The following SYNE1 variants were observed in gnomAD, a reference collection of about 807,000 sequenced individuals.
SYNE1 encodes spectrin repeat containing nuclear envelope protein 1.
A neutral mutation model predicts 1,111.0 loss-of-function variants in SYNE1; 616 were observed. That is an observed-to-expected ratio of 0.55 (90% CI 0.52 to 0.59). SYNE1 has a LOEUF of 0.59. SYNE1 is among the 20% of genes least tolerant of loss of function. The pLI is 0.00. For missense variants in SYNE1, 10,006 were observed against 10,417.0 expected, an observed-to-expected ratio of 0.96 and a Z score of 1.72; for synonymous variants, 3,855 against 3,825.8, an observed-to-expected ratio of 1.01 and a Z score of -0.28.
Position 152,462,411 on chromosome 6 carries a change from A to G in SYNE1, c.2250+327T>C, listed in dbSNP as rs553934908. On this transcript the variant is annotated intron_variant, in intron 20 of 145. Coordinates refer to ENST00000367255, the MANE Select transcript of SYNE1 (RefSeq NM_182961.4). Reference sequence around the variant, plus strand: ...TCAAAATATGCAAATACCACAGTTCATGCAATAAATCCTTTATTATTGAAA... The same window carrying G: ...TCAAAATATGCAAATACCACAGTTCGTGCAATAAATCCTTTATTATTGAAA... 42 of 433,364 alleles carry G rather than the reference A, an allele frequency of 9.7e-5. 1 individual carries two copies. The South Asian group carries it at 1.8e-3, about 19-fold the overall frequency. 26.8% of individuals were successfully genotyped at this position (433,364 alleles called of 1,614,324 possible). A position where few individuals can be genotyped will look rare whatever the true frequency, so the allele number is the denominator to read the frequency against.
rs1356061112 is a variant in SYNE1 at position 152,219,172 on chromosome 6, C to A, written c.21875G>T (p.Gly7292Val). 1.9e-6 allele frequency: 3 copies of A among 1,613,898 alleles called. No homozygotes were observed. Among genetic ancestry groups the A allele is most frequent in the African/African-American group, 1.3e-5 (1 of 75,010 alleles). The change falls in exon 120 of 146, where the codon GGA becomes GTA. Residue 7292 changes from glycine (G) to valine (V), a missense_variant. Gly to Val is a moderately radical substitution (Grantham distance 109). Coordinates refer to ENST00000367255, the MANE Select transcript of SYNE1 (RefSeq NM_182961.4). ...WIQDCNDLLK[G>V]LGTVKDSLFF... ...GAGGGAATCTTTAACTGTGCCCAGT[C>A]CTTTGAGGAGGTCCTAGAAGAGGTG... is the stretch of plus-strand genomic sequence containing the variant.
At position 152,488,508 on chromosome 6, in the gene SYNE1, AAAT is replaced by A; in HGVS notation, c.940-8_940-6del. 1 of 1,438,440 alleles carries A rather than the reference AAAT, an allele frequency of 7.0e-7. No individual in the cohort carries two copies. The allele number at this position is 1,438,440 out of a possible 1,614,324, so 89.1% of individuals were successfully genotyped here. On this transcript the variant is annotated splice_polypyrimidine_tract_variant and splice_region_variant and intron_variant, in intron 11 of 145. Transcript: ENST00000367255. ...AAAAATTACTCTGTCTTCTCTCTGGAAATGAGGAGACATTACAATTTTATTAGT... is the reference window on the plus strand; with the variant it reads ...AAAAATTACTCTGTCTTCTCTCTGGAGAGGAGACATTACAATTTTATTAGT...
intron 104 of SYNE1, among the ~76,000 whole-genome samples, chr6:152,251,547 A>G (rs1487843738): frequency 6.6e-6 from 1 of 151,634 alleles, no homozygotes; most frequent in Admixed American, 6.6e-5. Context: ...TCACGAGGTC[A>G]GGAGATCGAG....
chr6:152,471,867 A>G, intron 15 of SYNE1, 102 bp from the exon 16 acceptor site: 1 of 1,173,980 alleles, frequency 8.5e-7, no homozygotes, highest in Non-Finnish European at 1.2e-6. Flanking sequence ...ATGCAGCCAC[A>G]AGCTCTTCTA....
At chr6:152,227,855 A>G (rs1187026158) in intron 115 of SYNE1, among the ~76,000 whole-genome samples, 1 of 152,184 alleles carries the variant, frequency 6.6e-6, no homozygotes, top group African/African-American at 2.4e-5. Context: ...TATATTTTAT[A>G]AAAAATAAAG....
chr6:152,330,632 G>A lies in SYNE1; in HGVS notation c.14053C>T (p.Gln4685Ter), dbSNP rs749930853. 5.6e-6 allele frequency: 9 copies of A among 1,613,540 alleles called. No individual in the cohort carries two copies. Among genetic ancestry groups the A allele is most frequent in the Non-Finnish European group, 7.6e-6 (9 of 1,180,016 alleles). Residue 4685 changes from glutamine to a stop codon, truncating the protein, a stop_gained, in exon 78 of 146, where the codon CAG becomes TAG. Coordinates refer to ENST00000367255, the MANE Select transcript of SYNE1 (RefSeq NM_182961.4). LOFTEE classifies it high-confidence loss of function. ...TGGGCTTCAAGTTCACTCAGAGACT[G>A]GGTTGTCAACTCAATCAAGGAAGCA... ...EYASLIELTT[Q>*]SLSELEAQFL...
At chr6:152,424,303 C>A (rs183946145) in intron 39 of SYNE1, among the ~76,000 whole-genome samples, 3 of 152,342 alleles carry the variant, frequency 2.0e-5, no homozygotes, top group Admixed American at 2.0e-4. Context: ...CTTATAAAAT[C>A]TTCTACACAT....
chr6:152,371,925 CAGGACAGGACAGGAA>C (rs1307281434), intron 59 of SYNE1, among the ~76,000 whole-genome samples: 367 of 33,856 alleles, frequency 0.011, 11 homozygotes, highest in East Asian at 0.017. Flanking sequence ...AAGGAAAGGA[CAGGACAGGACAGGAA>C]AGGAAAGGAA....
chr6:152,136,524 C>T (rs549591140), intron 141 of SYNE1, 94 bp downstream of exon 141: 75 of 1,483,040 alleles, frequency 5.1e-5, no homozygotes, highest in Non-Finnish European at 6.0e-5. Flanking sequence ...GGAGCAACTG[C>T]GTCCCTCTAG....
In SYNE1 at chr6:152,309,892, C is replaced by T. The variant is rs749760793; in HGVS notation, c.17145G>A (p.Leu5715=). The T allele has an allele frequency of 9.3e-6, 15 of 1,614,086 alleles. No individual in the cohort carries two copies. Among genetic ancestry groups the T allele is most frequent in the Non-Finnish European group, 1.2e-5 (14 of 1,180,034 alleles). ...GCTGCAGCCGGCTGGCCTCTTCCTG[C>T]AGCCGCAGAGCAGCATGACAGAGAG... ...SLPLCHAALR[L]QEEASRLQHT... Residue 5715 remains leucine, a synonymous_variant, in exon 90 of 146, where the codon CTG becomes CTA. Transcript: ENST00000367255.
rs1027221706 is a variant in SYNE1, at chr6:152,354,976, C to A, written c.10609G>T (p.Glu3537Ter). The A allele has an allele frequency of 6.2e-7, 1 of 1,613,688 alleles. No individual in the cohort carries two copies. The highest frequency in any genetic ancestry group is 2.2e-5 in the East Asian group (1 of 44,882). ...CCCTCTGCACAGTGTACCTGTAGCTCCTGCAGAGAAAAAGGTATGGCTGTC... is the reference window on the plus strand; with the variant it reads ...CCCTCTGCACAGTGTACCTGTAGCTACTGCAGAGAAAAAGGTATGGCTGTC... The part of the protein sequence containing the change: ...THETTLRDLQ[E>*]LQVHCAEGQA... Residue 3537 changes from glutamate (E) to a stop codon, truncating the protein, a stop_gained and splice_region_variant, in exon 67 of 146, where the codon GAG becomes TAG. Coordinates refer to ENST00000367255, the MANE Select transcript of SYNE1 (RefSeq NM_182961.4). LOFTEE classifies it high-confidence loss of function.
intron 87 of SYNE1, among the ~76,000 whole-genome samples, chr6:152,312,829 T>C (rs1364750462): frequency 6.6e-6 from 1 of 152,084 alleles, no homozygotes; most frequent in Non-Finnish European, 1.5e-5. Context: ...ATGACTATAG[T>C]TTTCCATCTT....
intron 11 of SYNE1, among the ~76,000 whole-genome samples, chr6:152,491,387 C>A (rs1187372327): frequency 2.0e-5 from 3 of 152,096 alleles, no homozygotes; most frequent in Admixed American, 1.3e-4. Context: ...GCTCACCACC[C>A]CCTTCTCTGT....
intron 4 of SYNE1, among the ~76,000 whole-genome samples, chr6:152,533,434 T>C (rs1451288624): frequency 6.6e-6 from 1 of 152,156 alleles, no homozygotes; most frequent in African/African-American, 2.4e-5. Flanking sequence ...TATAAAAGCA[T>C]TATTGTACCA....
At chr6:152,612,846 T>C (rs950161161) in intron 3 of SYNE1, among the ~76,000 whole-genome samples, 36 of 152,156 alleles carry the variant, frequency 2.4e-4, no homozygotes, top group African/African-American at 8.7e-4. Flanking sequence ...ATTGAACATA[T>C]GCAAATCAGT....
chr6:152,322,318 A>C (rs577946887), intron 82 of SYNE1, among the ~76,000 whole-genome samples: 165 of 152,344 alleles, frequency 1.1e-3, no homozygotes, highest in Non-Finnish European at 2.1e-3. Flanking sequence ...ACAAATTTCA[A>C]GTCTTTATTT....
intron 16 of SYNE1, among the ~76,000 whole-genome samples, chr6:152,466,864 G>A (rs1043571127): frequency 4.6e-5 from 7 of 151,926 alleles, no homozygotes; most frequent in Non-Finnish European, 5.9e-5. Context: ...AATTTCTTGC[G>A]ATAGTATAAT....
At chr6:152,610,842 A>G (rs1158859739) in intron 3 of SYNE1, among the ~76,000 whole-genome samples, 1 of 152,198 alleles carries the variant, frequency 6.6e-6, no homozygotes, top group East Asian at 1.9e-4. Context: ...CCAATATTCA[A>G]CATTCTTAAA....
rs151177599 is a variant in SYNE1, at chr6:152,336,660, C to T, written c.12528+181G>A. ...TCCCACTGTGCGGCCAGGTTCCTAA[C>T]AGGACATGGACTTGTGCTTGTCCAT... On this transcript the variant is annotated intron_variant, in intron 76 of 145. Coordinates refer to ENST00000367255, the MANE Select transcript of SYNE1 (RefSeq NM_182961.4). The T allele has an allele frequency of 2.1e-3, 1,652 of 782,560 alleles. 2 individuals are homozygous for T. The highest frequency in any genetic ancestry group is 2.9e-3 in the Non-Finnish European group (1,366 of 467,128). 48.5% of individuals were successfully genotyped at this position (782,560 alleles called of 1,614,324 possible). A position where few individuals can be genotyped will look rare whatever the true frequency, so the allele number is the denominator to read the frequency against.
Sources: allele counts gnomAD v4.1 joint callset (sites outside exome capture counted in the v4.1 genomes callset), GRCh38; gene constraint gnomAD v4.1.1; transcripts MANE v1.5; gene names NCBI Gene and HGNC (gene_info 2026-07-23, HGNC 2026-07-21).